CLMP: variants seen among roughly 807,000 people sequenced by gnomAD.
CLMP encodes the protein CXADR-like membrane protein.
Under a neutral mutation model 45.2 loss-of-function variants are expected in CLMP, and 27 were observed. The ratio of observed to expected loss-of-function variants is 0.60; its 90% confidence interval spans 0.44 to 0.82. CLMP has a LOEUF of 0.82. CLMP is among the 40% of genes least tolerant of loss of function. The pLI is 0.00. For synonymous variants in CLMP, 167 were observed against 171.4 expected, an observed-to-expected ratio of 0.97 and a Z score of 0.20; for missense variants, 403 against 448.4, an observed-to-expected ratio of 0.90 and a Z score of 0.91.
intron 1 of CLMP, among the ~76,000 whole-genome samples, chr11:123,120,363 C>CT (rs1860797107): frequency 2.0e-5 from 3 of 151,712 alleles, no homozygotes; most frequent in African/African-American, 7.3e-5. Flanking sequence ...GATTGATCCT[C>CT]TATTTTTTTT....
chr11:123,091,973 G>A (rs1865936286), intron 2 of CLMP, among the ~76,000 whole-genome samples: 1 of 152,076 alleles, frequency 6.6e-6, no homozygotes, highest in Non-Finnish European at 1.5e-5. Context: ...CCCCAAACCT[G>A]ATGTTTCTTG....
At chr11:123,188,318 C>T (rs572929103) in intron 1 of CLMP, among the ~76,000 whole-genome samples, 2 of 152,262 alleles carry the variant, frequency 1.3e-5, no homozygotes. Context: ...CTCCCGCCAT[C>T]CGTGAAATAG....
At chr11:123,110,562 C>T (rs895330426) in intron 1 of CLMP, among the ~76,000 whole-genome samples, 10 of 151,776 alleles carry the variant, frequency 6.6e-5, no homozygotes, top group African/African-American at 1.5e-4. Flanking sequence ...CAGGCTGTAG[C>T]GAGCCAAGAT....
At chr11:123,181,401 C>T (rs563757775) in intron 1 of CLMP, among the ~76,000 whole-genome samples, 1 of 152,328 alleles carries the variant, frequency 6.6e-6, no homozygotes, top group African/African-American at 2.4e-5. Context: ...AATGCAATGC[C>T]CTCAAGCGAT....
chr11:123,191,171 A>G (rs950474131), intron 1 of CLMP, among the ~76,000 whole-genome samples: 1 of 152,230 alleles, frequency 6.6e-6, no homozygotes, highest in Admixed American at 6.5e-5. Flanking sequence ...TGATTTAAAC[A>G]GTCTCTTAGT....
chr11:123,114,737 T>G (rs1463059675), intron 1 of CLMP, among the ~76,000 whole-genome samples: 3 of 152,180 alleles, frequency 2.0e-5, no homozygotes, highest in South Asian at 4.1e-4. Context: ...GAGGACTTAT[T>G]ATGTGCAAAG....
chr11:123,139,041 G>A (rs1036349625), intron 1 of CLMP, among the ~76,000 whole-genome samples: 1 of 152,002 alleles, frequency 6.6e-6, no homozygotes, highest in South Asian at 2.1e-4. Flanking sequence ...TTTAAGTTCC[G>A]TGTCTATAAA....
intron 1 of CLMP, among the ~76,000 whole-genome samples, chr11:123,154,182 C>A (rs75986508): frequency 6.6e-6 from 1 of 152,106 alleles, no homozygotes; most frequent in Admixed American, 6.5e-5. Context: ...AATGCCAAAC[C>A]GTGCCCTCTC....
chr11:123,173,328 T>C (rs1443151008), intron 1 of CLMP, among the ~76,000 whole-genome samples: 1 of 152,240 alleles, frequency 6.6e-6, no homozygotes, highest in Non-Finnish European at 1.5e-5. Flanking sequence ...TGTTCTATCC[T>C]GTTATTCCAA....
At chr11:123,183,865 A>G (rs1861800380) in intron 1 of CLMP, among the ~76,000 whole-genome samples, 1 of 152,060 alleles carries the variant, frequency 6.6e-6, no homozygotes, top group Non-Finnish European at 1.5e-5. Flanking sequence ...GCCACTCATA[A>G]TGGGGCTCCT....
chr11:123,195,053 G>C lies in CLMP; in HGVS notation c.-113C>G, dbSNP rs1861963149. 9.5e-7 allele frequency: 1 copy of C among 1,053,840 alleles called. No individual in the cohort carries two copies. The allele number at this position is 1,053,840 out of a possible 1,614,324, so 65.3% of individuals were successfully genotyped here. ...GGGCGCGGCGCCTCGGGGTGCGCGC[G>C]AGGTGGCTGCAGCCATGTGCCGGGC... is the stretch of plus-strand genomic sequence containing the variant. On this transcript the variant is annotated 5_prime_UTR_variant, in exon 1 of 7. Transcript: ENST00000448775.
intron 1 of CLMP, among the ~76,000 whole-genome samples, chr11:123,115,200 C>A (rs767160185): frequency 1.3e-5 from 2 of 151,262 alleles, no homozygotes. Flanking sequence ...CACCAGCACA[C>A]CTGGCTAATT....
chr11:123,116,519 G>A (rs774282274), intron 1 of CLMP, among the ~76,000 whole-genome samples: 2 of 151,282 alleles, frequency 1.3e-5, no homozygotes, highest in Non-Finnish European at 2.9e-5. Flanking sequence ...ATTGAGCCGA[G>A]ATCACACCAC....
intron 1 of CLMP, among the ~76,000 whole-genome samples, chr11:123,128,349 C>G (rs1173814449): frequency 7.9e-6 from 1 of 127,238 alleles, no homozygotes; most frequent in Non-Finnish European, 1.7e-5. Context: ...GTAATCCTGG[C>G]ATGGTGGCCC....
At chr11:123,150,485 A>AAG (rs1861309295) in intron 1 of CLMP, among the ~76,000 whole-genome samples, 1 of 109,924 alleles carries the variant, frequency 9.1e-6, no homozygotes, top group Non-Finnish European at 1.9e-5. Flanking sequence ...GAAAGAAAGG[A>AAG]AGGAAGGAAG....
At chr11:123,137,213 G>A (rs1445013416) in intron 1 of CLMP, among the ~76,000 whole-genome samples, 2 of 143,454 alleles carry the variant, frequency 1.4e-5, no homozygotes, top group Non-Finnish European at 3.0e-5. Context: ...GAGTGCAGTG[G>A]CGCGATCTCG....
chr11:123,177,791 A>C (rs1861717407), intron 1 of CLMP, among the ~76,000 whole-genome samples: 1 of 152,182 alleles, frequency 6.6e-6, no homozygotes, highest in East Asian at 1.9e-4. Context: ...ATATAGTTTA[A>C]ATATGTGCAG....
intron 1 of CLMP, among the ~76,000 whole-genome samples, chr11:123,172,640 C>A (rs923612269): frequency 2.6e-5 from 4 of 152,044 alleles, no homozygotes; most frequent in Admixed American, 1.3e-4. Flanking sequence ...AGCCACTATA[C>A]TTGGCTAATT....
chr11:123,193,334 A>T (rs1316242914), intron 1 of CLMP, among the ~76,000 whole-genome samples: 1 of 152,216 alleles, frequency 6.6e-6, no homozygotes, highest in Non-Finnish European at 1.5e-5. Flanking sequence ...AATTACCAAG[A>T]TAGTACATAT....
Sources: gnomAD v4.1 joint callset for allele counts (sites outside exome capture counted in the v4.1 genomes callset) on GRCh38, gnomAD v4.1.1 for gene constraint, MANE v1.5 for transcripts, NCBI Gene and HGNC (gene_info 2026-07-23, HGNC 2026-07-21) for gene names.